SUGCT: variants seen among roughly 807,000 people sequenced by gnomAD.
The protein encoded by SUGCT is succinyl-CoA:glutarate CoA-transferase.
A neutral mutation model predicts 55.0 loss-of-function variants in SUGCT; 41 were observed. The ratio of observed to expected loss-of-function variants is 0.74; its 90% CI spans 0.58 to 0.97. The LOEUF (loss-of-function observed/expected upper bound fraction) is 0.97, where lower values mean the gene tolerates loss of function less well. Ranked by LOEUF, SUGCT falls within the 50% of genes least tolerant of loss-of-function variation. The pLI, the probability that SUGCT is intolerant of heterozygous loss-of-function variation, is 0.00. For missense variants in SUGCT, 568 were observed against 547.8 expected, an observed-to-expected ratio of 1.04 and a Z score of -0.37; for synonymous variants, 187 against 200.4, an observed-to-expected ratio of 0.93 and a Z score of 0.56.
chr7:40,991,115 G>C, the SUGCT span, among the ~76,000 whole-genome samples: 1 of 152,154 alleles, frequency 6.6e-6, no homozygotes, highest in Admixed American at 6.5e-5. Flanking sequence ...TCCAGCGTTT[G>C]ATTTAAAGAA....
At chr7:40,964,867 C>T in the SUGCT span, 1 of 152,162 alleles carries the variant, frequency 6.6e-6, no homozygotes, top group Non-Finnish European at 1.5e-5. Context: ...AACATATCAG[C>T]CTTCAACTAC....
At chr7:40,988,842 T>A in the SUGCT span, among the ~76,000 whole-genome samples, 3 of 152,304 alleles carry the variant, frequency 2.0e-5, no homozygotes, top group South Asian at 6.2e-4. Flanking sequence ...CCAGTTAATA[T>A]ATGGCTTTGC....
At chr7:40,767,755 G>A (rs1788878845) in intron 13 of SUGCT, among the ~76,000 whole-genome samples, 1 of 152,182 alleles carries the variant, frequency 6.6e-6, no homozygotes, top group African/African-American at 2.4e-5. Flanking sequence ...TAAGACAGAG[G>A]CTTCAGGTAA....
Position 40,823,554 on chromosome 7 carries a change from C to G in SUGCT, c.1154-36762C>G, listed in dbSNP as rs991545811. Among the ~76,000 whole-genome samples, 5 of 152,232 alleles carry G rather than the reference C, an allele frequency of 3.3e-5. No homozygotes were observed. In the East Asian group the frequency reaches 9.7e-4, roughly 29 times the overall value. On this transcript the variant is annotated intron_variant, in intron 13 of 13. Coordinates refer to ENST00000335693, the MANE Select transcript of SUGCT (RefSeq NM_001193313.2). ...TACCATAGTTTTCCTTTTCCTCCAC[C>G]TAACTCTACTACACTGCTTATTATA...
chr7:40,887,858 TTGAA>T, the SUGCT span, among the ~76,000 whole-genome samples: 2 of 151,996 alleles, frequency 1.3e-5, no homozygotes, highest in Admixed American at 1.3e-4. Context: ...CCCAATAAAT[TTGAA>T]TGAAAAGCAG....
chr7:40,187,194 C>G (rs1470293963), intron 3 of SUGCT, among the ~76,000 whole-genome samples: 1 of 152,050 alleles, frequency 6.6e-6, no homozygotes, highest in East Asian at 1.9e-4. Context: ...GACAAAAAAC[C>G]AAACACTGCA....
At chr7:40,827,471 CT>C (rs1362329773) in intron 13 of SUGCT, among the ~76,000 whole-genome samples, 1 of 152,174 alleles carries the variant, frequency 6.6e-6, no homozygotes. Flanking sequence ...GTTTTAGAGG[CT>C]GAAGTGTCAT....
At chr7:40,221,646 A>T (rs1390750608) in intron 6 of SUGCT, among the ~76,000 whole-genome samples, 4 of 151,240 alleles carry the variant, frequency 2.6e-5, no homozygotes, top group African/African-American at 9.7e-5. Flanking sequence ...GTGTGCCACC[A>T]CGCCTGGCTA....
At chr7:40,594,441 G>A (rs1797897518) in intron 12 of SUGCT, among the ~76,000 whole-genome samples, 1 of 151,780 alleles carries the variant, frequency 6.6e-6, no homozygotes, top group South Asian at 2.1e-4. Flanking sequence ...TTCATATCCA[G>A]TTATTATGAC....
chr7:40,213,477 T>G (rs981786901), intron 6 of SUGCT, among the ~76,000 whole-genome samples: 3 of 152,210 alleles, frequency 2.0e-5, no homozygotes, highest in African/African-American at 7.2e-5. Context: ...GATGTCACCA[T>G]GACATCACTG....
chr7:40,801,800 A>C (rs1413818230), intron 13 of SUGCT, among the ~76,000 whole-genome samples: 3 of 152,124 alleles, frequency 2.0e-5, no homozygotes, highest in Non-Finnish European at 4.4e-5. Context: ...TTTATGTAAT[A>C]TATGGTTTAT....
chr7:40,536,272 T>G (rs748083017), intron 12 of SUGCT, among the ~76,000 whole-genome samples: 3 of 152,190 alleles, frequency 2.0e-5, no homozygotes, highest in Non-Finnish European at 4.4e-5. Flanking sequence ...ACAAATGGAA[T>G]AAGATCTTGA....
chr7:40,463,917 G>A (rs1453170864), intron 11 of SUGCT, among the ~76,000 whole-genome samples: 4 of 152,114 alleles, frequency 2.6e-5, no homozygotes, highest in African/African-American at 7.2e-5. Flanking sequence ...GACTAATCCA[G>A]CGCCAGATAA....
intron 1 of SUGCT, among the ~76,000 whole-genome samples, chr7:40,150,890 T>C (rs968328320): frequency 5.3e-5 from 8 of 152,184 alleles, no homozygotes; most frequent in African/African-American, 1.9e-4. Flanking sequence ...GCCAGGGAAT[T>C]ACCATGTATA....
the SUGCT span, among the ~76,000 whole-genome samples, chr7:40,967,763 G>A: frequency 4.1e-3 from 623 of 152,058 alleles, 2 homozygotes; most frequent in African/African-American, 0.013. Context: ...TGGGAATAGA[G>A]GTGCCCGCCA....
At chr7:40,285,977 A>C (rs1228305340) in intron 8 of SUGCT, among the ~76,000 whole-genome samples, 6 of 152,316 alleles carry the variant, frequency 3.9e-5, no homozygotes, top group Middle Eastern at 3.4e-3. Context: ...TCCATTCCAT[A>C]TGCTAAATAT....
At chr7:40,408,036 G>C (rs1410800369) in intron 9 of SUGCT, among the ~76,000 whole-genome samples, 2 of 151,896 alleles carry the variant, frequency 1.3e-5, no homozygotes, top group Non-Finnish European at 2.9e-5. Flanking sequence ...TAGTCTTTTG[G>C]TAGTCATTAT....
intron 12 of SUGCT, among the ~76,000 whole-genome samples, chr7:40,665,984 G>A (rs1001223261): frequency 6.6e-6 from 1 of 152,054 alleles, no homozygotes; most frequent in East Asian, 1.9e-4. Context: ...TCTGTATAGG[G>A]TAGAGAGAAT....
At chr7:40,672,966 G>A (rs894692594) in intron 12 of SUGCT, among the ~76,000 whole-genome samples, 4 of 152,090 alleles carry the variant, frequency 2.6e-5, no homozygotes, top group Non-Finnish European at 5.9e-5. Context: ...TTTTGTAGGC[G>A]ATCTTCCCTC....
Sources: allele counts gnomAD v4.1 joint callset (sites outside exome capture counted in the v4.1 genomes callset), GRCh38; gene constraint gnomAD v4.1.1; transcripts MANE v1.5; gene names NCBI Gene and HGNC (gene_info 2026-07-23, HGNC 2026-07-21).